Variants in RIMS1 observed in about 807,000 individuals in gnomAD.
The protein encoded by RIMS1 is regulating synaptic membrane exocytosis 1, also known as regulating synaptic membrane exocytosis protein 1.
In RIMS1, 83 loss-of-function variants were observed where a neutral mutation model predicts 214.1. That is an observed-to-expected ratio of 0.39 (90% CI 0.32 to 0.47). The LOEUF (loss-of-function observed/expected upper bound fraction) is 0.47, where lower values mean the gene tolerates loss of function less well. Among genes scored for constraint, RIMS1 ranks in the 20% least tolerant of loss-of-function variants. The pLI is 0.99. For synonymous variants in RIMS1, 793 were observed against 786.8 expected (o/e 1.01, Z -0.13); for missense variants, 2,050 against 2,161.8 (o/e 0.95, Z 1.03).
At chr6:72,169,792 T>C (rs768684107) in intron 4 of RIMS1, among the ~76,000 whole-genome samples, 7 of 152,104 alleles carry the variant, frequency 4.6e-5, no homozygotes, top group Non-Finnish European at 7.4e-5. Flanking sequence ...CTGCCTGTGG[T>C]CCCAGCTACT....
chr6:71,925,239 C>T (rs1582772212), intron 1 of RIMS1, among the ~76,000 whole-genome samples: 1 of 152,224 alleles, frequency 6.6e-6, no homozygotes, highest in East Asian at 1.9e-4. Context: ...AAATGTGACT[C>T]CGTCTGACCT....
chr6:72,347,721 C>T (rs567256000), intron 29 of RIMS1, among the ~76,000 whole-genome samples: 1 of 152,030 alleles, frequency 6.6e-6, no homozygotes, highest in Non-Finnish European at 1.5e-5. Flanking sequence ...CTTTGTACCT[C>T]TCTACAGGTG....
intron 2 of RIMS1, among the ~76,000 whole-genome samples, chr6:72,065,359 G>T (rs1029400604): frequency 2.0e-5 from 3 of 152,142 alleles, no homozygotes; most frequent in African/African-American, 7.2e-5. Flanking sequence ...AGACATGTAT[G>T]AAAGAATAAT....
intron 22 of RIMS1, 151 bp downstream of exon 22, chr6:72,266,200 C>G: frequency 2.9e-6 from 2 of 689,340 alleles, no homozygotes; most frequent in Admixed American, 4.1e-5. Flanking sequence ...TTATACATGT[C>G]TATTTAGAGA....
chr6:72,223,212 C>G (rs1347095971), intron 6 of RIMS1, among the ~76,000 whole-genome samples: 3 of 152,118 alleles, frequency 2.0e-5, no homozygotes, highest in Non-Finnish European at 4.4e-5. Flanking sequence ...ATGAGAAGAC[C>G]TTTTCACTTA....
At chr6:72,085,249 T>G (rs1834366397) in intron 2 of RIMS1, among the ~76,000 whole-genome samples, 1 of 152,152 alleles carries the variant, frequency 6.6e-6, no homozygotes, top group Non-Finnish European at 1.5e-5. Flanking sequence ...TTTGTAGAAC[T>G]GTAGTAATTT....
intron 4 of RIMS1, among the ~76,000 whole-genome samples, chr6:72,162,188 T>C (rs1254356388): frequency 7.1e-6 from 1 of 140,858 alleles, no homozygotes; most frequent in Non-Finnish European, 1.6e-5. Flanking sequence ...AAGTCTGTTT[T>C]ATCAGAGACC....
chr6:72,112,123 A>G (rs766862913), intron 4 of RIMS1, among the ~76,000 whole-genome samples: 1 of 152,122 alleles, frequency 6.6e-6, no homozygotes, highest in Admixed American at 6.6e-5. Flanking sequence ...AAAGTTAACA[A>G]AACTAAAAAT....
At chr6:72,378,960 G>C (rs1469097400) in intron 29 of RIMS1, among the ~76,000 whole-genome samples, 2 of 152,194 alleles carry the variant, frequency 1.3e-5, no homozygotes, top group East Asian at 3.8e-4. Context: ...AATATTCTCT[G>C]AGACTTTGTG....
chr6:72,036,818 AC>A (rs1333826015), intron 2 of RIMS1, among the ~76,000 whole-genome samples: 1 of 152,190 alleles, frequency 6.6e-6, no homozygotes, highest in Admixed American at 6.5e-5. Flanking sequence ...TAAAGTTGTC[AC>A]GCATGTAGAG....
chr6:72,217,072 TAA>T, intron 6 of RIMS1: 3 of 1,492,426 alleles, frequency 2.0e-6, no homozygotes, highest in Non-Finnish European at 1.8e-6. Flanking sequence ...GAATTTTATT[TAA>T]AATGTTGTAT....
intron 22 of RIMS1, among the ~76,000 whole-genome samples, chr6:72,271,282 A>T (rs1462142096): frequency 0.011 from 722 of 67,664 alleles, 2 homozygotes; most frequent in Non-Finnish European, 0.015. Flanking sequence ...AAAAAAAAAA[A>T]AAAAATATAT....
intron 29 of RIMS1, among the ~76,000 whole-genome samples, chr6:72,347,104 A>G (rs1379975012): frequency 6.6e-6 from 1 of 151,800 alleles, no homozygotes; most frequent in Non-Finnish European, 1.5e-5. Context: ...ACGTCTATTG[A>G]TATCTCTTGT....
chr6:71,890,816 G>A (rs1544222), intron 1 of RIMS1, among the ~76,000 whole-genome samples: 13,002 of 151,934 alleles, frequency 0.086, 640 homozygotes, highest in East Asian at 0.19. Flanking sequence ...ATAAATATTT[G>A]GATTCTCACA....
chr6:72,044,541 G>A (rs898675856), intron 2 of RIMS1, among the ~76,000 whole-genome samples: 15 of 151,698 alleles, frequency 9.9e-5, no homozygotes, highest in African/African-American at 3.4e-4. Flanking sequence ...CGACCCCCCT[G>A]ATAATGGGCA....
rs1168285913 is a variant in RIMS1 at position 72,250,872 on chromosome 6, T to C, written c.2373-49T>C. The stretch of plus-strand genomic sequence containing the variant: ...CAGTTTTACATGTAACTACAGTAGA[T>C]GGCAGCATGTACTTGCTTTTTCATT... On this transcript the variant is annotated intron_variant, in intron 13 of 33. Transcript: ENST00000521978. 3.8e-6 allele frequency: 4 copies of C among 1,049,798 alleles called. No individual in the cohort carries two copies. The South Asian group carries it at 5.4e-5, about 14-fold the overall frequency. The allele number at this position is 1,049,798 out of a possible 1,614,324, so 65.0% of individuals were successfully genotyped here.
At chr6:72,263,804 A>AAC (rs67722831) in intron 19 of RIMS1, 37,657 of 122,330 alleles carry the variant, frequency 0.31, 2,510 homozygotes, top group South Asian at 0.35. Flanking sequence ...TCTCTACTAA[A>AAC]ACACACACAC....
At chr6:71,890,310 ATAGT>A (rs1349922530) in intron 1 of RIMS1, among the ~76,000 whole-genome samples, 1 of 140,414 alleles carries the variant, frequency 7.1e-6, no homozygotes, top group Non-Finnish European at 1.6e-5. Context: ...ATAACTGGAA[ATAGT>A]TGGCTCCCAC....
At chr6:72,309,647 A>G (rs931983667) in intron 27 of RIMS1, among the ~76,000 whole-genome samples, 20 of 151,966 alleles carry the variant, frequency 1.3e-4, no homozygotes, top group African/African-American at 4.3e-4. Flanking sequence ...GCATTTGACT[A>G]TTTTAAAACC....
Sources: gnomAD v4.1 joint callset for allele counts (sites outside exome capture counted in the v4.1 genomes callset) on GRCh38, gnomAD v4.1.1 for gene constraint, MANE v1.5 for transcripts, NCBI Gene and HGNC (gene_info 2026-07-23, HGNC 2026-07-21) for gene names.